Variants in RNF115 observed in about 807,000 individuals in gnomAD.
RNF115 encodes ring finger protein 115.
RNF115 carries 31 observed loss-of-function variants against 39.2 expected under a neutral mutation model. That is an observed-to-expected ratio of 0.79 (90% CI 0.59 to 1.07). The LOEUF is 1.07. RNF115 is among the 50% of genes least tolerant of loss of function. The pLI is 0.00. For missense variants in RNF115, 384 were observed against 381.7 expected, an observed-to-expected ratio of 1.01 and a Z score of -0.05; for synonymous variants, 124 against 131.0, an observed-to-expected ratio of 0.95 and a Z score of 0.37.
chr1:145,811,354 C>A (rs1553722498), intron 1 of RNF115, among the ~76,000 whole-genome samples: 3 of 79,828 alleles, frequency 3.8e-5, no homozygotes, highest in Admixed American at 1.4e-4. Context: ...CCCATCACTA[C>A]CAAAAAAAAA....
chr1:145,755,544 T>C (rs1348831720), intron 4 of RNF115, among the ~76,000 whole-genome samples: 5 of 152,096 alleles, frequency 3.3e-5, no homozygotes. Flanking sequence ...TAATAAATAT[T>C]TGTTGTTTTA....
chr1:145,763,772 G>A (rs941927316), intron 4 of RNF115, among the ~76,000 whole-genome samples: 1 of 152,130 alleles, frequency 6.6e-6, no homozygotes, highest in African/African-American at 2.4e-5. Context: ...CAGACTAATG[G>A]GTGGTAATCT....
At chr1:145,767,260 G>GTGGCTGCCCGGCGGAGGAGCTT (rs1647370086) in intron 4 of RNF115, among the ~76,000 whole-genome samples, 3 of 144,652 alleles carry the variant, frequency 2.1e-5, no homozygotes, top group Non-Finnish European at 4.5e-5. Context: ...CTCAGACGGT[G>GTGGCTGCCCGGCGGAGGAGCTT]TGGCTGCCCG....
chr1:145,823,363 G>A (rs1340256918), intron 1 of RNF115, among the ~76,000 whole-genome samples: 3 of 137,212 alleles, frequency 2.2e-5, no homozygotes, highest in African/African-American at 7.9e-5. Flanking sequence ...CGGGGGCGGT[G>A]GGGGGTGAAA....
intron 4 of RNF115, among the ~76,000 whole-genome samples, chr1:145,756,831 CTTTTT>C (rs142073195): frequency 2.9e-5 from 2 of 67,830 alleles, no homozygotes; most frequent in African/African-American, 6.4e-5. Flanking sequence ...TTTCTAGCTT[CTTTTT>C]TTTTTTTTTT....
intron 1 of RNF115, among the ~76,000 whole-genome samples, chr1:145,808,674 A>G (rs1570689861): frequency 6.6e-6 from 1 of 152,204 alleles, no homozygotes; most frequent in African/African-American, 2.4e-5. Context: ...TTTGCACTAT[A>G]TCAGCAATCC....
At chr1:145,808,834 A>T (rs1195109099) in intron 1 of RNF115, among the ~76,000 whole-genome samples, 1 of 152,194 alleles carries the variant, frequency 6.6e-6, no homozygotes, top group Non-Finnish European at 1.5e-5. Context: ...GGCACCATAA[A>T]TTCAAAATCA....
intron 5 of RNF115, 43 bp downstream of exon 5, chr1:145,752,935 T>C (rs1163492486): frequency 3.7e-6 from 5 of 1,365,988 alleles, no homozygotes; most frequent in East Asian, 2.3e-5. Flanking sequence ...ACCTAAAATA[T>C]GTCACTCCAA....
chr1:145,787,305 G>C (rs1331413654), intron 2 of RNF115, among the ~76,000 whole-genome samples: 2 of 152,246 alleles, frequency 1.3e-5, no homozygotes, highest in Non-Finnish European at 2.9e-5. Flanking sequence ...CAGGTGCAGT[G>C]GCTCACACTT....
At chr1:145,797,627 G>A (rs1014270057) in intron 1 of RNF115, among the ~76,000 whole-genome samples, 4 of 152,090 alleles carry the variant, frequency 2.6e-5, no homozygotes, top group Non-Finnish European at 5.9e-5. Context: ...ATCTCTCTGA[G>A]GTCCTGCATT....
rs1335442062 is a variant in RNF115 at position 145,744,511 on chromosome 1, C to T, written c.*2355G>A. The T allele has an allele frequency of 6.6e-6, 1 of 152,214 alleles. No individual in the cohort carries two copies. The highest frequency in any genetic ancestry group is 1.5e-5 in the Non-Finnish European group (1 of 68,038). The allele number at this position is 152,214 out of a possible 1,614,324, so 9.4% of individuals were successfully genotyped here. A position where few individuals can be genotyped will look rare whatever the true frequency, so the allele number is the denominator to read the frequency against. On this transcript the variant is annotated 3_prime_UTR_variant, in exon 9 of 9. Coordinates refer to ENST00000582693, the MANE Select transcript of RNF115 (RefSeq NM_014455.4). Reference sequence around the variant, plus strand: ...ACTTTCTGGTCACAACTTTTAGAGGCAGGCTATTATTTCAGCAGGCCACTC... The same window carrying T: ...ACTTTCTGGTCACAACTTTTAGAGGTAGGCTATTATTTCAGCAGGCCACTC...
intron 1 of RNF115, among the ~76,000 whole-genome samples, chr1:145,803,015 T>C (rs1462996007): frequency 6.6e-6 from 1 of 152,162 alleles, no homozygotes; most frequent in Non-Finnish European, 1.5e-5. Flanking sequence ...ACCATTATCC[T>C]CAAGGTCTCT....
chr1:145,760,367 C>T (rs1294117930), intron 4 of RNF115, among the ~76,000 whole-genome samples: 1 of 152,180 alleles, frequency 6.6e-6, no homozygotes, highest in African/African-American at 2.4e-5. Flanking sequence ...AATTAAGAAA[C>T]CTCCCCTAGA....
intron 3 of RNF115, among the ~76,000 whole-genome samples, chr1:145,777,962 G>A (rs975468125): frequency 5.3e-5 from 8 of 152,054 alleles, no homozygotes; most frequent in Admixed American, 3.9e-4. Flanking sequence ...ACCATATGAC[G>A]CAGCAATTTC....
intron 4 of RNF115, among the ~76,000 whole-genome samples, chr1:145,762,093 G>A (rs1022639827): frequency 6.6e-6 from 1 of 152,186 alleles, no homozygotes; most frequent in African/African-American, 2.4e-5. Flanking sequence ...CGAAATACCT[G>A]TACCTCCATT....
intron 4 of RNF115, among the ~76,000 whole-genome samples, chr1:145,753,586 A>G (rs1237943228): frequency 6.6e-6 from 1 of 152,244 alleles, no homozygotes; most frequent in African/African-American, 2.4e-5. Context: ...TGAATACTTA[A>G]GATGGCACAG....
chr1:145,767,827 G>T (rs1647429133), intron 4 of RNF115, among the ~76,000 whole-genome samples: 1 of 152,272 alleles, frequency 6.6e-6, no homozygotes, highest in Non-Finnish European at 1.5e-5. Flanking sequence ...ACGAAAACCA[G>T]TCAGGCGTGG....
chr1:145,805,317 A>G (rs12122368), intron 1 of RNF115, among the ~76,000 whole-genome samples: 126,725 of 151,914 alleles, frequency 0.83, 53,083 homozygotes, highest in African/African-American at 0.89. Flanking sequence ...AAAACAATTA[A>G]TTAACTGAAT....
intron 1 of RNF115, among the ~76,000 whole-genome samples, chr1:145,808,624 T>G (rs1367622692): frequency 6.6e-6 from 1 of 152,236 alleles, no homozygotes; most frequent in Non-Finnish European, 1.5e-5. Flanking sequence ...GCCTTTTACA[T>G]GTTATTAAAC....
Sources: allele counts gnomAD v4.1 joint callset (sites outside exome capture counted in the v4.1 genomes callset), GRCh38; gene constraint gnomAD v4.1.1; transcripts MANE v1.5; gene names NCBI Gene and HGNC (gene_info 2026-07-23, HGNC 2026-07-21).